Variants in PTCHD4 observed in about 807,000 individuals in gnomAD.
PTCHD4 encodes the protein patched domain containing 4.
In PTCHD4, 33 loss-of-function variants were observed where a neutral mutation model predicts 58.1. The ratio of observed to expected loss-of-function variants is 0.57; its 90% CI spans 0.43 to 0.76. The LOEUF (loss-of-function observed/expected upper bound fraction) is 0.76. Among genes scored for constraint, PTCHD4 ranks in the 30% least tolerant of loss-of-function variants. The pLI, the probability that PTCHD4 is intolerant of heterozygous loss-of-function variation, is 0.00. For synonymous variants in PTCHD4, 478 were observed against 409.6 expected (o/e 1.17, Z -2.02); for missense variants, 1,058 against 1,027.1 (o/e 1.03, Z -0.41).
At chr6:48,013,237 T>C (rs1316039711) in intron 3 of PTCHD4, among the ~76,000 whole-genome samples, 2 of 152,096 alleles carry the variant, frequency 1.3e-5, no homozygotes, top group Non-Finnish European at 2.9e-5. Context: ...AGGCTCTTAA[T>C]TACTGCCTCA....
intron 4 of PTCHD4, among the ~76,000 whole-genome samples, chr6:47,942,524 T>C (rs904335021): frequency 4.6e-5 from 7 of 152,106 alleles, no homozygotes; most frequent in African/African-American, 1.7e-4. Flanking sequence ...TTGTCACAGC[T>C]GGTGAAGGTT....
At chr6:48,042,660 C>G (rs1763887353) in intron 3 of PTCHD4, among the ~76,000 whole-genome samples, 1 of 151,814 alleles carries the variant, frequency 6.6e-6, no homozygotes, top group Admixed American at 6.6e-5. Context: ...ATGCTGTTTG[C>G]TTGACCAATA....
At chr6:48,072,230 C>T (rs1162742600) in intron 1 of PTCHD4, among the ~76,000 whole-genome samples, 1 of 152,068 alleles carries the variant, frequency 6.6e-6, no homozygotes, top group Non-Finnish European at 1.5e-5. Flanking sequence ...AGATATTTGT[C>T]TATTTTCTCT....
At chr6:47,978,934 T>C (rs1254128720) in intron 4 of PTCHD4, among the ~76,000 whole-genome samples, 1 of 152,192 alleles carries the variant, frequency 6.6e-6, no homozygotes, top group Non-Finnish European at 1.5e-5. Context: ...ATTTTTGTTA[T>C]GAATATTCTA....
At position 47,875,045 on chromosome 6, in the gene PTCHD4, T is replaced by C. The variant is rs1029994542; in HGVS notation, c.*3258A>G. 4.6e-5 allele frequency among the ~76,000 whole-genome samples: 7 copies of C among 151,800 alleles called. No homozygotes were observed. Among genetic ancestry groups the C allele is most frequent in the Non-Finnish European group, 7.4e-5 (5 of 67,854 alleles). On this transcript the variant is annotated 3_prime_UTR_variant, in exon 5 of 5. Transcript: ENST00000339488. ...AAATTTAAATTCTGATGGAAGGAAATAAATCCACATTCCAGTTTACATACA... is the reference window on the plus strand; with the variant it reads ...AAATTTAAATTCTGATGGAAGGAAACAAATCCACATTCCAGTTTACATACA...
At chr6:48,053,086 C>T (rs945415263) in intron 3 of PTCHD4, among the ~76,000 whole-genome samples, 9 of 152,020 alleles carry the variant, frequency 5.9e-5, no homozygotes, top group African/African-American at 2.2e-4. Flanking sequence ...GTTGACTTGC[C>T]ACACTGATCT....
intron 3 of PTCHD4, among the ~76,000 whole-genome samples, chr6:48,042,452 C>G (rs946691046): frequency 1.3e-5 from 2 of 151,868 alleles, no homozygotes; most frequent in East Asian, 3.9e-4. Flanking sequence ...CAATATAATA[C>G]AGGGCACCTC....
intron 4 of PTCHD4, among the ~76,000 whole-genome samples, chr6:47,927,912 T>C (rs1765679801): frequency 6.6e-6 from 1 of 151,986 alleles, no homozygotes; most frequent in Non-Finnish European, 1.5e-5. Context: ...CATGAGCCAC[T>C]GTACCCATCC....
Position 47,866,862 on chromosome 6 carries a change from G to T in PTCHD4, c.*11441C>A, listed in dbSNP as rs1432201990. On this transcript the variant is annotated 3_prime_UTR_variant, in exon 5 of 5. Transcript: ENST00000339488. The stretch of plus-strand genomic sequence containing the variant: ...CATAAGGAAGTGAATTTAAAAAATA[G>T]TTTTAAGCATTTTAACAAACTCATT... Among the ~76,000 whole-genome samples, 1 of 151,800 alleles carries T rather than the reference G, an allele frequency of 6.6e-6. No individual in the cohort carries two copies.
At chr6:47,901,488 C>A in intron 4 of PTCHD4, 1 of 980,268 alleles carries the variant, frequency 1.0e-6, no homozygotes, top group Non-Finnish European at 1.2e-6. Flanking sequence ...ATCTAAACTT[C>A]ATCAGTCAGT....
intron 1 of PTCHD4, among the ~76,000 whole-genome samples, chr6:48,070,139 GTGTGTGTGTGTGTGTGTA>G (rs1021567282): frequency 1.4e-5 from 2 of 147,030 alleles, no homozygotes; most frequent in African/African-American, 5.1e-5. Context: ...GTGTGTGTGT[GTGTGTGTGTGTGTGTGTA>G]TATATATATA....
At position 47,859,768 on chromosome 6, in the gene PTCHD4, T is replaced by C. The variant is rs1290368598; in HGVS notation, c.*18535A>G. On this transcript the variant is annotated 3_prime_UTR_variant, in exon 5 of 5. Transcript: ENST00000339488. ...TCATGAGATTGTCAGGAAAGGCCTC[T>C]CTAATGCATACTTATTTAATATTTA... Among the ~76,000 whole-genome samples the C allele has an allele frequency of 6.6e-6, 1 of 151,992 alleles. No homozygotes were observed. The highest frequency in any genetic ancestry group is 2.1e-4 in the South Asian group (1 of 4,812).
chr6:47,982,142 G>C (rs972574445), intron 4 of PTCHD4, among the ~76,000 whole-genome samples: 2 of 152,126 alleles, frequency 1.3e-5, no homozygotes, highest in Non-Finnish European at 2.9e-5. Context: ...TCTTAGTCCA[G>C]TACAGTAGGT....
chr6:48,015,362 C>A (rs751874919), intron 3 of PTCHD4, among the ~76,000 whole-genome samples: 1 of 152,014 alleles, frequency 6.6e-6, no homozygotes, highest in South Asian at 2.1e-4. Context: ...TTTCCACTTG[C>A]AATAGGAATA....
intron 4 of PTCHD4, among the ~76,000 whole-genome samples, chr6:47,937,011 A>T (rs1356475140): frequency 6.6e-6 from 1 of 152,238 alleles, no homozygotes; most frequent in Non-Finnish European, 1.5e-5. Flanking sequence ...TGTTCCAAAA[A>T]TAGCAAGAAA....
intron 4 of PTCHD4, among the ~76,000 whole-genome samples, chr6:47,898,289 A>G (rs1253625364): frequency 6.6e-6 from 1 of 152,132 alleles, no homozygotes; most frequent in Non-Finnish European, 1.5e-5. Context: ...TAAAAACTGC[A>G]TTTTAAACTA....
intron 1 of PTCHD4, among the ~76,000 whole-genome samples, chr6:48,103,846 T>C (rs573961745): frequency 1.3e-3 from 201 of 152,228 alleles, no homozygotes; most frequent in African/African-American, 4.3e-3. Flanking sequence ...GAAGAAAGGG[T>C]ATCAGCGATG....
intron 3 of PTCHD4, among the ~76,000 whole-genome samples, chr6:48,019,511 C>T (rs1050938112): frequency 9.8e-4 from 149 of 151,964 alleles, no homozygotes; most frequent in Admixed American, 8.4e-3. Flanking sequence ...TCAAGGAGGG[C>T]GGATTATGAA....
chr6:48,089,007 T>C (rs1472455876), intron 1 of PTCHD4, among the ~76,000 whole-genome samples: 1 of 151,912 alleles, frequency 6.6e-6, no homozygotes, highest in African/African-American at 2.4e-5. Flanking sequence ...AATCACACCA[T>C]TGCACTCCAG....
Sources: gnomAD v4.1 joint callset for allele counts (sites outside exome capture counted in the v4.1 genomes callset) on GRCh38, gnomAD v4.1.1 for gene constraint, MANE v1.5 for transcripts, NCBI Gene and HGNC (gene_info 2026-07-23, HGNC 2026-07-21) for gene names.